The following NEBL variants were observed in gnomAD, a reference collection of about 807,000 sequenced individuals.
The protein encoded by NEBL is LIM and SH3 protein 2.
A neutral mutation model predicts 140.2 loss-of-function variants in NEBL; 122 were observed. The ratio of observed to expected loss-of-function variants is 0.87; its 90% confidence interval spans 0.75 to 1.01. The LOEUF is 1.01. Ranked by LOEUF, NEBL falls within the 50% of genes least tolerant of loss-of-function variation. The pLI, the probability that NEBL is intolerant of heterozygous loss-of-function variation, is 0.00. For synonymous variants in NEBL, 436 were observed against 398.9 expected, an observed-to-expected ratio of 1.09 and a Z score of -1.11; for missense variants, 1,365 against 1,231.3, an observed-to-expected ratio of 1.11 and a Z score of -1.62.
intron 2 of NEBL, among the ~76,000 whole-genome samples, chr10:21,042,952 ACTTTT>A (rs895326188): frequency 6.6e-6 from 1 of 152,362 alleles, no homozygotes; most frequent in African/African-American, 2.4e-5. Flanking sequence ...TCTGAGGAAG[ACTTTT>A]CTTTTCTTCT....
At chr10:21,278,099 A>T (rs1842946337) in intron 1 of NEBL, among the ~76,000 whole-genome samples, 1 of 152,242 alleles carries the variant, frequency 6.6e-6, no homozygotes, top group Admixed American at 6.5e-5. Flanking sequence ...ACCACAGAAC[A>T]TTCTGGTTGA....
chr10:20,903,309 A>T (rs1847952532), intron 4 of NEBL, among the ~76,000 whole-genome samples: 1 of 152,200 alleles, frequency 6.6e-6, no homozygotes, highest in South Asian at 2.1e-4. Context: ...TTAAAACCAC[A>T]ATAAGATACG....
intron 2 of NEBL, chr10:21,030,455 T>C: frequency 1.4e-6 from 1 of 708,450 alleles, no homozygotes; most frequent in Non-Finnish European, 2.5e-6. Context: ...AACTTCTAAA[T>C]CTACCAAAAC....
intron 3 of NEBL, among the ~76,000 whole-genome samples, chr10:20,987,159 TG>T (rs1266374720): frequency 6.6e-6 from 1 of 152,186 alleles, no homozygotes; most frequent in South Asian, 2.1e-4. Context: ...CCGACCGTTA[TG>T]GGTAAACCTA....
At chr10:21,021,736 G>A (rs1038936830) in intron 2 of NEBL, among the ~76,000 whole-genome samples, 1 of 152,084 alleles carries the variant, frequency 6.6e-6, no homozygotes, top group African/African-American at 2.4e-5. Context: ...TTTCCTATTG[G>A]CAGGCCTCTG....
At chr10:21,057,706 C>G (rs1835091843) in intron 2 of NEBL, among the ~76,000 whole-genome samples, 2 of 151,892 alleles carry the variant, frequency 1.3e-5, no homozygotes, top group Admixed American at 6.6e-5. Flanking sequence ...CGCACCAGCA[C>G]ACCCAGCTTA....
At chr10:21,009,228 C>A (rs932958437) in intron 3 of NEBL, among the ~76,000 whole-genome samples, 1 of 152,072 alleles carries the variant, frequency 6.6e-6, no homozygotes, top group Non-Finnish European at 1.5e-5. Context: ...GAATGGAATT[C>A]TTGGTTTTAC....
At chr10:21,010,376 G>A (rs956130741) in intron 3 of NEBL, among the ~76,000 whole-genome samples, 4 of 151,932 alleles carry the variant, frequency 2.6e-5, no homozygotes, top group Admixed American at 1.3e-4. Flanking sequence ...TCCTGAGTAG[G>A]TGGGACTACA....
intron 2 of NEBL, among the ~76,000 whole-genome samples, chr10:21,147,403 T>G (rs1430842798): frequency 6.6e-6 from 1 of 151,652 alleles, no homozygotes; most frequent in Non-Finnish European, 1.5e-5. Flanking sequence ...CCGGTTTTTT[T>G]TTTTTTTTTT....
intron 13 of NEBL, among the ~76,000 whole-genome samples, chr10:20,836,156 T>A (rs564408635): frequency 7.3e-4 from 111 of 152,246 alleles, no homozygotes; most frequent in African/African-American, 2.3e-3. Flanking sequence ...CAACAGTATG[T>A]GCTTACATGG....
chr10:21,104,029 T>C (rs1049867547), intron 2 of NEBL, among the ~76,000 whole-genome samples: 1 of 152,204 alleles, frequency 6.6e-6, no homozygotes, highest in Non-Finnish European at 1.5e-5. Flanking sequence ...TATAAAATTG[T>C]TCCTGCACCC....
intron 2 of NEBL, among the ~76,000 whole-genome samples, chr10:21,035,441 T>C (rs542701749): frequency 1.3e-5 from 2 of 152,260 alleles, no homozygotes; most frequent in African/African-American, 4.8e-5. Context: ...CCTCACCTCT[T>C]CCAAGCAACT....
rs16921469 is a variant in NEBL, at chr10:21,048,404, G to A, written c.165-28203C>T. Among the ~76,000 whole-genome samples the A allele has an allele frequency of 4.1e-3, 575 of 140,768 alleles. 3 individuals are homozygous for A. The highest frequency in any genetic ancestry group is 0.015 in the African/African-American group (547 of 37,708). The allele number at this position is 140,768 out of a possible 152,430, so 92.3% of individuals were successfully genotyped here. On this transcript the variant is annotated intron_variant, in intron 2 of 6. Transcript: ENST00000417816. Reference sequence around the variant, plus strand: ...GCCACTCAGAAAATCTCCCGGGGCGGTCTTCTTCCAAGGGCCATTCTACTC... The same window carrying A: ...GCCACTCAGAAAATCTCCCGGGGCGATCTTCTTCCAAGGGCCATTCTACTC...
intron 26 of NEBL, among the ~76,000 whole-genome samples, chr10:20,801,193 A>G (rs1382212436): frequency 6.6e-6 from 1 of 150,956 alleles, no homozygotes; most frequent in Admixed American, 6.6e-5. Flanking sequence ...CTCTCTTTAA[A>G]TTTTATTTAT....
At chr10:20,830,293 C>A (rs1431964922) in intron 16 of NEBL, among the ~76,000 whole-genome samples, 1 of 152,198 alleles carries the variant, frequency 6.6e-6, no homozygotes, top group Non-Finnish European at 1.5e-5. Context: ...AAATTAAATG[C>A]TATGGTCAAT....
At position 20,963,003 on chromosome 10, in the gene NEBL, A is replaced by AACACACAC. The variant is rs35031266; in HGVS notation, c.250-1232_250-1225dup. Reference sequence around the variant, plus strand: ...TTTTACCAGACAAGCTTGAAAGAAAAACACACACACACACACACACACACA... The same window carrying AACACACAC: ...TTTTACCAGACAAGCTTGAAAGAAAAACACACACACACACACACACACACACACACACA... On this transcript the variant is annotated intron_variant, in intron 3 of 6. Coordinates refer to the NEBL transcript ENST00000417816. 7.8e-3 allele frequency among the ~76,000 whole-genome samples: 1,113 copies of AACACACAC among 143,280 alleles called. 11 individuals carry two copies. The highest frequency in any genetic ancestry group is 0.035 in the East Asian group (171 of 4,856). 94.0% of individuals were successfully genotyped at this position (143,280 alleles called of 152,430 possible).
In NEBL at chr10:20,782,992, T is replaced by C. The variant is rs1835127434; in HGVS notation, c.*2755A>G. ...CTGTTCCTTGTGCTTCTGTCAGGCT[T>C]GAGAACACATCAAACTTTAGAAAGT... On this transcript the variant is annotated 3_prime_UTR_variant, in exon 28 of 28. Transcript: ENST00000377122. The C allele has an allele frequency of 1.3e-5, 2 of 152,646 alleles. No homozygotes were observed. The highest frequency in any genetic ancestry group is 2.9e-5 in the Non-Finnish European group (2 of 68,038). 9.5% of individuals were successfully genotyped at this position (152,646 alleles called of 1,614,324 possible). A position where few individuals can be genotyped will look rare whatever the true frequency, so the allele number is the denominator to read the frequency against.
intron 2 of NEBL, among the ~76,000 whole-genome samples, chr10:21,091,135 A>T (rs900001641): frequency 4.6e-5 from 7 of 152,102 alleles, no homozygotes; most frequent in Non-Finnish European, 1.0e-4. Flanking sequence ...AGCCTCCATC[A>T]TCTCTTTCCT....
At chr10:21,080,844 GTT>G (rs1293861911) in intron 2 of NEBL, among the ~76,000 whole-genome samples, 4 of 151,844 alleles carry the variant, frequency 2.6e-5, no homozygotes, top group Admixed American at 2.6e-4. Context: ...ATGTGATCTG[GTT>G]TTTTTGTTTG....
Sources: allele counts gnomAD v4.1 joint callset (sites outside exome capture counted in the v4.1 genomes callset), GRCh38; gene constraint gnomAD v4.1.1; transcripts MANE v1.5; gene names NCBI Gene and HGNC (gene_info 2026-07-23, HGNC 2026-07-21).